The following CCDC38 variants were observed in gnomAD, a reference collection of about 807,000 sequenced individuals.
CCDC38 encodes the protein coiled-coil domain containing 38.
In CCDC38, 69 loss-of-function variants were observed where a neutral mutation model predicts 72.8. That is an observed-to-expected ratio of 0.95 (90% CI 0.78 to 1.16). The LOEUF is 1.16. Among genes scored for constraint, CCDC38 ranks in the 50% most tolerant of loss-of-function variants. CCDC38 has a pLI of 0.00. For missense variants in CCDC38, 626 were observed against 638.9 expected, an observed-to-expected ratio of 0.98 and a Z score of 0.22; for synonymous variants, 201 against 213.2, an observed-to-expected ratio of 0.94 and a Z score of 0.50.
At chr12:95,936,582 C>A in intron 1 of CCDC38, 59 bp from the exon 2 acceptor site, 1 of 1,371,164 alleles carries the variant, frequency 7.3e-7, no homozygotes, top group Non-Finnish European at 1.0e-6. Flanking sequence ...TATAAAAGGG[C>A]TAAATTCAAC....
In CCDC38 at chr12:95,906,640, T is replaced by A. The variant is rs193153384; in HGVS notation, c.305-189A>T. Among the ~76,000 whole-genome samples, 21 of 152,282 alleles carry A rather than the reference T, an allele frequency of 1.4e-4. 1 individual carries two copies. Among genetic ancestry groups the A allele is most frequent in the Admixed American group, 3.3e-4 (5 of 15,302 alleles). On this transcript the variant is annotated intron_variant, in intron 4 of 15. Coordinates refer to ENST00000344280, the MANE Select transcript of CCDC38 (RefSeq NM_182496.3). ...AATAGTAATTACAATTTATTTTATG[T>A]CTATCATATTCCAGAAACCTCATTA...
At position 95,879,842 on chromosome 12, in the gene CCDC38, C is replaced by T. The variant is rs1403398364; in HGVS notation, c.991-47G>A. ...ATATAATTTACTTAAAAATATGCTA[C>T]CTATGCACATGTGACTTATCTAGAA... On this transcript the variant is annotated intron_variant, in intron 11 of 15. Transcript: ENST00000344280. This position sits in a 1 kb window ranked among gnomAD's most constrained non-coding sequence, Gnocchi z 5.5. 1.8e-5 allele frequency: 25 copies of T among 1,422,892 alleles called. No individual in the cohort carries two copies. Among genetic ancestry groups the T allele is most frequent in the Non-Finnish European group, 2.4e-5 (25 of 1,036,782 alleles). 88.1% of individuals were successfully genotyped at this position (1,422,892 alleles called of 1,614,324 possible). A position where few individuals can be genotyped will look rare whatever the true frequency, so the allele number is the denominator to read the frequency against.
chr12:95,890,288 T>C (rs1313709529), intron 9 of CCDC38, among the ~76,000 whole-genome samples: 2 of 152,176 alleles, frequency 1.3e-5, no homozygotes, highest in Non-Finnish European at 1.5e-5. Flanking sequence ...CGCAGCCCAG[T>C]GGGCCAAATC....
chr12:95,883,073 T>A (rs1227291124), intron 10 of CCDC38, among the ~76,000 whole-genome samples: 1 of 152,230 alleles, frequency 6.6e-6, no homozygotes, highest in South Asian at 2.1e-4. Context: ...CCGTTCAAAG[T>A]CCTGTCAGTG....
At chr12:95,919,600 A>C (rs1460473962) in intron 2 of CCDC38, 1 of 456,074 alleles carries the variant, frequency 2.2e-6, no homozygotes, top group East Asian at 6.9e-5. Context: ...TCTGTTTCCC[A>C]CAGCACCGAC....
chr12:95,922,465 C>A (rs1272577586), intron 2 of CCDC38, among the ~76,000 whole-genome samples: 3 of 152,076 alleles, frequency 2.0e-5, no homozygotes, highest in African/African-American at 7.2e-5. Flanking sequence ...CTGAGGTGTC[C>A]CCTGGTCCCC....
At chr12:95,893,962 G>T (rs905391883) in intron 8 of CCDC38, among the ~76,000 whole-genome samples, 1 of 152,056 alleles carries the variant, frequency 6.6e-6, no homozygotes, top group Non-Finnish European at 1.5e-5. Flanking sequence ...AGGTTAATTT[G>T]TTAGGTTAAT....
chr12:95,878,456 C>T, intron 12 of CCDC38, 110 bp from the exon 13 acceptor site: 1 of 1,060,884 alleles, frequency 9.4e-7, no homozygotes, highest in Non-Finnish European at 1.4e-6. Context: ...ATGTAGTGAG[C>T]CAAATACAAG....
intron 5 of CCDC38, chr12:95,903,587 T>C (rs2079971856): frequency 3.4e-6 from 2 of 595,330 alleles, no homozygotes; most frequent in Non-Finnish European, 6.1e-6. Context: ...TTGCTGAGAG[T>C]CTCCATCAAG....
chr12:95,887,418 T>A (rs2121446948), intron 10 of CCDC38, among the ~76,000 whole-genome samples: 1 of 152,296 alleles, frequency 6.6e-6, no homozygotes, highest in Middle Eastern at 3.4e-3. Context: ...ATACTACTCA[T>A]CAATAAAAAG....
chr12:95,939,906 G>T (rs971683501), intron 1 of CCDC38, among the ~76,000 whole-genome samples: 1 of 152,136 alleles, frequency 6.6e-6, no homozygotes, highest in South Asian at 2.1e-4. Flanking sequence ...GGGCAGGTAG[G>T]TTTAACTCCT....
At chr12:95,911,143 T>A (rs1205570716) in intron 4 of CCDC38, among the ~76,000 whole-genome samples, 1 of 151,942 alleles carries the variant, frequency 6.6e-6, no homozygotes, top group Non-Finnish European at 1.5e-5. Context: ...GGGGAGAGGA[T>A]CCCCTTTTCA....
In CCDC38 at chr12:95,917,241, G is replaced by A. The variant is rs374086212; in HGVS notation, c.192C>T (p.Ser64=). Residue 64 remains serine, a synonymous_variant, in exon 4 of 16, where the codon TCC becomes TCT. Transcript: ENST00000344280. ...TCAGGTATGAATGACTCTTCATTCT[G>A]GATGAAAAAGTAGTTTTCTGGTAGA... is the stretch of plus-strand genomic sequence containing the variant. ...MKVYQKTTFS[S]RMKSHSYLSQ... The A allele has an allele frequency of 3.1e-6, 5 of 1,604,254 alleles. No homozygotes were observed. In the African/African-American group the frequency reaches 6.7e-5, roughly 22 times the overall value.
rs369864356 is a variant in CCDC38 at position 95,872,499 on chromosome 12, C to G, written c.1279-39G>C. 59 of 1,287,482 alleles carry G rather than the reference C, an allele frequency of 4.6e-5. No individual in the cohort carries two copies. The African/African-American group carries it at 6.1e-4, about 13-fold the overall frequency. 79.8% of individuals were successfully genotyped at this position (1,287,482 alleles called of 1,614,324 possible). A position where few individuals can be genotyped will look rare whatever the true frequency, so the allele number is the denominator to read the frequency against. On this transcript the variant is annotated intron_variant, in intron 13 of 15. Transcript: ENST00000344280. ...GAGCAGAAAACATTAACATCACATTCCACATTCAATAAATATACCATTTTA... is the reference window on the plus strand; with the variant it reads ...GAGCAGAAAACATTAACATCACATTGCACATTCAATAAATATACCATTTTA...
chr12:95,940,665 C>G (rs1364349336), intron 1 of CCDC38, among the ~76,000 whole-genome samples: 1 of 151,966 alleles, frequency 6.6e-6, no homozygotes, highest in African/African-American at 2.4e-5. Flanking sequence ...GGGGAGATCA[C>G]AGTTAGCAAT....
Position 95,903,584 on chromosome 12 carries a change from G to C in CCDC38, c.369+2803C>G. 14 of 601,602 alleles carry C rather than the reference G, an allele frequency of 2.3e-5. No homozygotes were observed. In the South Asian group the frequency reaches 2.5e-4, roughly 11 times the overall value. 37.3% of individuals were successfully genotyped at this position (601,602 alleles called of 1,614,324 possible). On this transcript the variant is annotated intron_variant, in intron 5 of 15. Transcript: ENST00000344280. ...TTCTCTTCTGTTCCTACTTTGCTGA[G>C]AGTCTCCATCAAGAATGAATTTTGG...
intron 2 of CCDC38, among the ~76,000 whole-genome samples, chr12:95,935,804 C>A (rs2080387034): frequency 6.6e-6 from 1 of 152,132 alleles, no homozygotes; most frequent in African/African-American, 2.4e-5. Flanking sequence ...GGAGGCTGGG[C>A]ATGATAGCTC....
chr12:95,872,996 T>C (rs1235548475), intron 13 of CCDC38, among the ~76,000 whole-genome samples: 2 of 152,240 alleles, frequency 1.3e-5, no homozygotes, highest in East Asian at 1.9e-4. Flanking sequence ...TACTGAACTC[T>C]AGATATGAAA....
At chr12:95,895,178 A>C in intron 7 of CCDC38, 32 bp from the exon 8 acceptor site, 1 of 1,530,736 alleles carries the variant, frequency 6.5e-7, no homozygotes, top group Non-Finnish European at 8.8e-7. Context: ...ATGATTAGGT[A>C]TATCAGTGTG....
Sources: gnomAD v4.1 joint callset for allele counts (sites outside exome capture counted in the v4.1 genomes callset) on GRCh38, gnomAD v4.1.1 for gene constraint, Gnocchi (gnomAD v3.1) non-coding constraint, MANE v1.5 for transcripts, NCBI Gene and HGNC (gene_info 2026-07-23, HGNC 2026-07-21) for gene names.